The following SYCP2 variants were observed in gnomAD, a reference collection of about 807,000 sequenced individuals.
SYCP2 encodes the protein synaptonemal complex protein 2, also known as synaptonemal complex lateral element protein.
In SYCP2, 55 loss-of-function variants were observed where a neutral mutation model predicts 211.3. The observed-to-expected ratio is 0.26, with a 90% confidence interval of 0.21 to 0.33. The LOEUF is 0.33. SYCP2 is among the 10% of genes least tolerant of loss of function. SYCP2 has a pLI of 1.00. For missense variants in SYCP2, 1,731 were observed against 1,752.0 expected, an observed-to-expected ratio of 0.99 and a Z score of 0.21; for synonymous variants, 570 against 555.2, an observed-to-expected ratio of 1.03 and a Z score of -0.37.
chr20:59,869,942 T>C lies in SYCP2; in HGVS notation c.3597A>G (p.Arg1199=). 6.2e-7 allele frequency: 1 copy of C among 1,604,670 alleles called. No homozygotes were observed. The highest frequency in any genetic ancestry group is 8.5e-7 in the Non-Finnish European group (1 of 1,174,178). ...TAAGTACCAGAGAACTTATTTTTTT[T>C]CTATTTACAATAGTATTACTCTTAG... ...TPTKSNTIVN[R]KKISSLVLTQ... The change falls in exon 36 of 45, where the codon AGA becomes AGG. Residue 1199 remains arginine (R), a synonymous_variant. Transcript: ENST00000357552.
chr20:59,889,744 A>G (rs994113044), intron 24 of SYCP2, among the ~76,000 whole-genome samples: 3 of 152,050 alleles, frequency 2.0e-5, no homozygotes, highest in Non-Finnish European at 2.9e-5. Flanking sequence ...CAGAAATTCC[A>G]GTATAATTGG....
intron 7 of SYCP2, among the ~76,000 whole-genome samples, chr20:59,917,610 GGATT>G (rs11468076): frequency 0.019 from 2,944 of 152,120 alleles, 39 homozygotes; most frequent in Middle Eastern, 0.041. Flanking sequence ...CGAAGAGGTA[GGATT>G]AATTATTATT....
At chr20:59,912,544 C>A (rs185060595) in intron 12 of SYCP2, 126 bp from the exon 13 acceptor site, 92 of 435,032 alleles carry the variant, frequency 2.1e-4, no homozygotes, top group African/African-American at 1.7e-3. Flanking sequence ...GAAATAAAAT[C>A]ATATTTCCCT....
In SYCP2 at chr20:59,868,762, T is replaced by G. The variant is rs2059396959; in HGVS notation, c.3832+73A>C. On this transcript the variant is annotated intron_variant, in intron 37 of 44. Transcript: ENST00000357552. ...GAATAACGGTATGACTTAAAATACA[T>G]AATTCCTTTAGTTGAAATGTCACGT... The G allele has an allele frequency of 1.5e-5, 21 of 1,388,972 alleles. 1 individual carries two copies. In the South Asian group the frequency reaches 2.6e-4, roughly 17 times the overall value. The allele number at this position is 1,388,972 out of a possible 1,614,324, so 86.0% of individuals were successfully genotyped here. A position where few individuals can be genotyped will look rare whatever the true frequency, so the allele number is the denominator to read the frequency against.
At chr20:59,919,419 G>A (rs2060499414) in intron 6 of SYCP2, 74 bp downstream of exon 6, 7 of 1,137,538 alleles carry the variant, frequency 6.2e-6, no homozygotes, top group Non-Finnish European at 6.6e-6. Context: ...TAGGCTCAGG[G>A]CACAGAGAAC....
intron 3 of SYCP2, 103 bp downstream of exon 3, chr20:59,922,287 T>C (rs978171505): frequency 3.5e-5 from 36 of 1,034,600 alleles, no homozygotes; most frequent in Non-Finnish European, 4.9e-5. Context: ...CATAAAAACA[T>C]GTAAGCTTTA....
chr20:59,868,996 CA>C, intron 36 of SYCP2, 71 bp from the exon 37 acceptor site: 1 of 1,133,658 alleles, frequency 8.8e-7, no homozygotes. Context: ...TCACCTTTCT[CA>C]AACCCAAAAA....
At position 59,921,343 on chromosome 20, in the gene SYCP2, C is replaced by T; in HGVS notation, c.135G>A (p.Gln45=). ...TAAGGTTGTCCACCTTGTGGAAAAA[C>T]TGTTTGCTGCATTTAATCTTCACAT... ...CEDVKIKCSK[Q]FFHKVDNLIC... The change falls in exon 4 of 45, where the codon CAG becomes CAA. Residue 45 remains glutamine (Q), a synonymous_variant. Transcript: ENST00000357552. 6.2e-7 allele frequency: 1 copy of T among 1,607,400 alleles called. No individual in the cohort carries two copies. The highest frequency in any genetic ancestry group is 8.5e-7 in the Non-Finnish European group (1 of 1,176,250).
intron 14 of SYCP2, among the ~76,000 whole-genome samples, chr20:59,908,142 A>G (rs568451529): frequency 6.6e-6 from 1 of 152,154 alleles, no homozygotes; most frequent in South Asian, 2.1e-4. Flanking sequence ...CCAGCTACTC[A>G]GGAGGCTGAG....
Position 59,901,655 on chromosome 20 carries a change from G to A in SYCP2, c.1182+7C>T. On this transcript the variant is annotated splice_region_variant and intron_variant, in intron 16 of 44. Coordinates refer to ENST00000357552, the MANE Select transcript of SYCP2 (RefSeq NM_014258.4). Reference sequence around the variant, plus strand: ...ATAGTAAATATTTATTAAGTTTAAAGACTTACCCTATGTTTAGTTGCACCA... The same window carrying A: ...ATAGTAAATATTTATTAAGTTTAAAAACTTACCCTATGTTTAGTTGCACCA... The A allele has an allele frequency of 2.0e-6, 3 of 1,470,448 alleles. No individual in the cohort carries two copies. Among genetic ancestry groups the A allele is most frequent in the Non-Finnish European group, 2.8e-6 (3 of 1,073,130 alleles). The allele number at this position is 1,470,448 out of a possible 1,614,324, so 91.1% of individuals were successfully genotyped here.
Position 59,932,125 on chromosome 20 carries a change from C to G in SYCP2, c.-110G>C, listed in dbSNP as rs2060759289. On this transcript the variant is annotated 5_prime_UTR_variant, in exon 2 of 45. Coordinates refer to ENST00000357552, the MANE Select transcript of SYCP2 (RefSeq NM_014258.4). Reference sequence around the variant, plus strand: ...CTGGGGGACTGGTTAGCGAGCAACACAGAGAACTAGTAAGATGATGATTGT... The same window carrying G: ...CTGGGGGACTGGTTAGCGAGCAACAGAGAGAACTAGTAAGATGATGATTGT... 1 of 152,032 alleles carries G rather than the reference C, an allele frequency of 6.6e-6. No homozygotes were observed. Among genetic ancestry groups the G allele is most frequent in the African/African-American group, 2.4e-5 (1 of 41,380 alleles). 9.4% of individuals were successfully genotyped at this position (152,032 alleles called of 1,614,324 possible). A position where few individuals can be genotyped will look rare whatever the true frequency, so the allele number is the denominator to read the frequency against.
intron 24 of SYCP2, 32 bp from the exon 25 acceptor site, chr20:59,886,866 T>C: frequency 6.6e-7 from 1 of 1,510,032 alleles, no homozygotes; most frequent in South Asian, 1.3e-5. Flanking sequence ...TTTTAAACTC[T>C]ACCAGTTAAT....
At chr20:59,902,421 T>C (rs1389049020) in intron 15 of SYCP2, among the ~76,000 whole-genome samples, 1 of 152,086 alleles carries the variant, frequency 6.6e-6, no homozygotes, top group Non-Finnish European at 1.5e-5. Flanking sequence ...ACCTGGCCCC[T>C]AATAAATGCA....
intron 28 of SYCP2, 144 bp downstream of exon 28, chr20:59,881,801 T>C: frequency 1.8e-6 from 1 of 558,152 alleles, no homozygotes; most frequent in Non-Finnish European, 2.9e-6. Flanking sequence ...ATACGTAGGC[T>C]GGTTATCCAA....
intron 2 of SYCP2, among the ~76,000 whole-genome samples, chr20:59,926,705 T>C (rs1176936182): frequency 6.6e-6 from 1 of 152,120 alleles, no homozygotes; most frequent in East Asian, 1.9e-4. Flanking sequence ...CCAAACTTAA[T>C]ATTGGAATGC....
rs1269957861 is a variant in SYCP2 at position 59,895,606 on chromosome 20, G to A, written c.1505-9C>T. The A allele has an allele frequency of 2.5e-6, 4 of 1,607,444 alleles. No individual in the cohort carries two copies. The South Asian group carries it at 3.3e-5, about 13-fold the overall frequency. On this transcript the variant is annotated splice_polypyrimidine_tract_variant and intron_variant, in intron 19 of 44. Transcript: ENST00000357552. ...TCTTCGTGGTGGTATTGCTAAAAAG[G>A]AGGACAAGGATTGCAGATTTTTCTT...
chr20:59,886,928 T>A, intron 24 of SYCP2, 94 bp from the exon 25 acceptor site: 1 of 928,036 alleles, frequency 1.1e-6, no homozygotes, highest in Non-Finnish European at 1.6e-6. Context: ...AATCTGGTTC[T>A]ATTTATACCT....
chr20:59,890,562 GTAGA>G (rs1361294213), intron 24 of SYCP2, among the ~76,000 whole-genome samples: 1 of 150,794 alleles, frequency 6.6e-6, no homozygotes, highest in South Asian at 2.1e-4. Flanking sequence ...AAATAAATAG[GTAGA>G]TAGGTAGGTA....
At chr20:59,875,825 G>A (rs755469929) in intron 33 of SYCP2, among the ~76,000 whole-genome samples, 17 of 152,050 alleles carry the variant, frequency 1.1e-4, no homozygotes, top group Admixed American at 3.9e-4. Flanking sequence ...GACATACTGC[G>A]AATAGAGAAG....
Sources: allele counts gnomAD v4.1 joint callset (sites outside exome capture counted in the v4.1 genomes callset), GRCh38; gene constraint gnomAD v4.1.1; transcripts MANE v1.5; gene names NCBI Gene and HGNC (gene_info 2026-07-23, HGNC 2026-07-21).